The following RNPEP variants were observed in gnomAD, a reference collection of about 807,000 sequenced individuals.
RNPEP encodes arginyl aminopeptidase.
Under a neutral mutation model 70.1 loss-of-function variants are expected in RNPEP, and 57 were observed. The observed-to-expected ratio is 0.81, with a 90% CI of 0.66 to 1.01. The LOEUF is 1.01. Among genes scored for constraint, RNPEP ranks in the 50% least tolerant of loss-of-function variants. The probability of loss-of-function intolerance (pLI) is 0.00; values close to 1 mark genes in which losing one functional copy is unlikely to be tolerated. For synonymous variants in RNPEP, 335 were observed against 357.4 expected (o/e 0.94, Z 0.71); for missense variants, 787 against 852.4 (o/e 0.92, Z 0.96).
At chr1:201,985,191 TA>T (rs57050499) in intron 1 of RNPEP, among the ~76,000 whole-genome samples, 7,425 of 141,976 alleles carry the variant, frequency 0.052, 243 homozygotes, top group South Asian at 0.12. Context: ...AGGCTCCATC[TA>T]AAAAAAAAAA....
chr1:202,001,671 G>C lies in RNPEP; in HGVS notation c.1330G>C (p.Glu444Gln). 1.2e-6 allele frequency: 2 copies of C among 1,613,004 alleles called. No individual in the cohort carries two copies. The highest frequency in any genetic ancestry group is 1.7e-6 in the Non-Finnish European group (2 of 1,178,960). ...TCCCTCCTCACAGGCCTATGTGCAT[G>C]AATTCAAATTCCGAAGCATCTTAGC... is the stretch of plus-strand genomic sequence containing the variant. ...FDSFLKAYVH[E>Q]FKFRSILADD... Residue 444 changes from glutamate to glutamine, a missense_variant, in exon 8 of 11, where the codon GAA (glutamate) becomes CAA (glutamine). Coordinates refer to ENST00000295640, the MANE Select transcript of RNPEP (RefSeq NM_020216.4).
chr1:201,989,681 A>G, intron 3 of RNPEP, 150 bp downstream of exon 3: 1 of 719,468 alleles, frequency 1.4e-6, no homozygotes, highest in Non-Finnish European at 2.3e-6. Flanking sequence ...GCATGAGCAC[A>G]GCTGGAGGAA....
chr1:201,991,986 G>C (rs2102968513), intron 3 of RNPEP, among the ~76,000 whole-genome samples: 1 of 152,112 alleles, frequency 6.6e-6, no homozygotes, highest in South Asian at 2.1e-4. Context: ...TAACACCCAG[G>C]GTTGAGGGTG....
intron 10 of RNPEP, among the ~76,000 whole-genome samples, chr1:202,005,053 G>C (rs1683997983): frequency 6.6e-6 from 1 of 152,210 alleles, no homozygotes; most frequent in African/African-American, 2.4e-5. Context: ...CCTGTTCGGG[G>C]ATATTCTGAG....
At chr1:201,992,997 C>G (rs2102969560) in intron 3 of RNPEP, among the ~76,000 whole-genome samples, 1 of 152,304 alleles carries the variant, frequency 6.6e-6, no homozygotes, top group East Asian at 1.9e-4. Flanking sequence ...CTTTACTCTT[C>G]TCTTTAAGTT....
At chr1:201,992,681 A>G (rs1269633963) in intron 3 of RNPEP, among the ~76,000 whole-genome samples, 2 of 152,048 alleles carry the variant, frequency 1.3e-5, no homozygotes, top group Non-Finnish European at 2.9e-5. Flanking sequence ...CAACACCCCA[A>G]AGCCCCTTGC....
intron 1 of RNPEP, among the ~76,000 whole-genome samples, chr1:201,985,403 C>T (rs1683098614): frequency 6.6e-6 from 1 of 151,982 alleles, no homozygotes; most frequent in Non-Finnish European, 1.5e-5. Flanking sequence ...CACAGACCTG[C>T]CACCTCCACA....
chr1:202,001,495 T>G lies in RNPEP; in HGVS notation c.1317+7T>G, dbSNP rs2102981486. Reference sequence around the variant, plus strand: ...GTTTGACAGTTTTCTCAAGGTATAGTCACATGAGGGGAGAAGGAAGAGGAG... The same window carrying G: ...GTTTGACAGTTTTCTCAAGGTATAGGCACATGAGGGGAGAAGGAAGAGGAG... On this transcript the variant is annotated splice_region_variant and intron_variant, in intron 7 of 10. Coordinates refer to ENST00000295640, the MANE Select transcript of RNPEP (RefSeq NM_020216.4). The G allele has an allele frequency of 6.3e-7, 1 of 1,590,156 alleles. No homozygotes were observed. Among genetic ancestry groups the G allele is most frequent in the East Asian group, 2.2e-5 (1 of 44,740 alleles).
At chr1:202,002,911 C>T (rs755523061) in intron 8 of RNPEP, among the ~76,000 whole-genome samples, 1 of 152,132 alleles carries the variant, frequency 6.6e-6, no homozygotes, top group Non-Finnish European at 1.5e-5. Context: ...GCAGCCTGGT[C>T]CTAGAGCCTG....
Position 201,993,987 on chromosome 1 carries a change from A to G in RNPEP, c.738-2160A>G, listed in dbSNP as rs115800846. On this transcript the variant is annotated intron_variant, in intron 3 of 10. Coordinates refer to ENST00000295640, the MANE Select transcript of RNPEP (RefSeq NM_020216.4). ...TTGCCATGCCGTTGAAACTAGTAAG[A>G]GAGGCCATTCGCCTCAATACGGATA... is the stretch of plus-strand genomic sequence containing the variant. Among the ~76,000 whole-genome samples the G allele has an allele frequency of 3.9e-3, 587 of 151,256 alleles. 2 individuals are homozygous for G. Among genetic ancestry groups the G allele is most frequent in the African/African-American group, 0.014 (565 of 41,142 alleles).
At position 201,982,743 on chromosome 1, in the gene RNPEP, C is replaced by T; in HGVS notation, c.77C>T (p.Ala26Val). 1.4e-6 allele frequency: 2 copies of T among 1,380,836 alleles called. No homozygotes were observed. Among genetic ancestry groups the T allele is most frequent in the Non-Finnish European group, 1.9e-6 (2 of 1,066,672 alleles). The allele number at this position is 1,380,836 out of a possible 1,614,324, so 85.5% of individuals were successfully genotyped here. Residue 26 changes from alanine to valine, a missense_variant, in exon 1 of 11, where the codon GCC (alanine) becomes GTC (valine). Coordinates refer to ENST00000295640, the MANE Select transcript of RNPEP (RefSeq NM_020216.4). ...CACTCCGCGCAGGCTGTGGACGTGG[C>T]CTCGGCCTCCAACTTCCGGGCCTTT... ...PLHSAQAVDVASASNFRAFEL... is the reference protein window; with the variant it reads ...PLHSAQAVDVVSASNFRAFEL...
chr1:201,984,229 G>A (rs1232054720), intron 1 of RNPEP, among the ~76,000 whole-genome samples: 1 of 152,148 alleles, frequency 6.6e-6, no homozygotes, highest in Non-Finnish European at 1.5e-5. Context: ...CACTGCGCCC[G>A]GCCCACAGCT....
rs967650437 is a variant in RNPEP at position 201,983,355 on chromosome 1, C to G, written c.447+242C>G. Reference sequence around the variant, plus strand: ...GCCACTGGGCGGTGCATCCTTCACCCTTTCCGTCCTTCCGCGTCTCCTCCC... The same window carrying G: ...GCCACTGGGCGGTGCATCCTTCACCGTTTCCGTCCTTCCGCGTCTCCTCCC... On this transcript the variant is annotated intron_variant, in intron 1 of 10. Transcript: ENST00000295640. 2.0e-6 allele frequency: 3 copies of G among 1,498,042 alleles called. No individual in the cohort carries two copies. In the African/African-American group the frequency reaches 4.2e-5, roughly 21 times the overall value. The allele number at this position is 1,498,042 out of a possible 1,614,324, so 92.8% of individuals were successfully genotyped here. A position where few individuals can be genotyped will look rare whatever the true frequency, so the allele number is the denominator to read the frequency against.
chr1:201,995,464 C>G (rs981009878), intron 3 of RNPEP, among the ~76,000 whole-genome samples: 1 of 151,858 alleles, frequency 6.6e-6, no homozygotes, highest in African/African-American at 2.4e-5. Flanking sequence ...AGGTGAATCA[C>G]TTGAGCCCAG....
Position 201,998,377 on chromosome 1 carries a change from C to T in RNPEP, c.1090+823C>T, listed in dbSNP as rs1683650860. Among the ~76,000 whole-genome samples the T allele has an allele frequency of 2.6e-5, 4 of 151,848 alleles. No homozygotes were observed. In the South Asian group the frequency reaches 8.3e-4, roughly 32 times the overall value. On this transcript the variant is annotated intron_variant, in intron 5 of 10. Coordinates refer to ENST00000295640, the MANE Select transcript of RNPEP (RefSeq NM_020216.4). ...CTCCCCCACATCCCACTCCCTGTAG[C>T]TGGGATTACAGGCATGCACCACCAT...
chr1:202,003,709 C>G (rs1373995051), intron 9 of RNPEP, among the ~76,000 whole-genome samples: 1 of 152,184 alleles, frequency 6.6e-6, no homozygotes, highest in African/African-American at 2.4e-5. Context: ...ACAAGCACCT[C>G]AAGGACAAAG....
At chr1:201,983,228 C>G in intron 1 of RNPEP, 115 bp downstream of exon 1, 1 of 1,424,270 alleles carries the variant, frequency 7.0e-7, no homozygotes, top group Non-Finnish European at 9.1e-7. Flanking sequence ...CCTTCCAGAG[C>G]GTCCCTAGAG....
At position 202,005,809 on chromosome 1, in the gene RNPEP, G is replaced by A; in HGVS notation, c.*93G>A. On this transcript the variant is annotated 3_prime_UTR_variant, in exon 11 of 11. Coordinates refer to ENST00000295640, the MANE Select transcript of RNPEP (RefSeq NM_020216.4). ...ATTCCTGTTCCCTGATCAACTTCCT[G>A]GAGTTTATATCCCCTCAGGATAATC... 1 of 1,404,864 alleles carries A rather than the reference G, an allele frequency of 7.1e-7. No individual in the cohort carries two copies. The allele number at this position is 1,404,864 out of a possible 1,614,324, so 87.0% of individuals were successfully genotyped here. A position where few individuals can be genotyped will look rare whatever the true frequency, so the allele number is the denominator to read the frequency against.
chr1:201,993,002 T>C (rs1683396435), intron 3 of RNPEP, among the ~76,000 whole-genome samples: 1 of 152,206 alleles, frequency 6.6e-6, no homozygotes, highest in Non-Finnish European at 1.5e-5. Flanking sequence ...CTCTTCTCTT[T>C]AAGTTTGCTA....
Sources: allele counts gnomAD v4.1 joint callset (sites outside exome capture counted in the v4.1 genomes callset), GRCh38; gene constraint gnomAD v4.1.1; transcripts MANE v1.5; gene names NCBI Gene and HGNC (gene_info 2026-07-23, HGNC 2026-07-21).